Variants in LRRC4C observed in about 807,000 individuals in gnomAD.
LRRC4C encodes leucine rich repeat containing 4C, also known as leucine-rich repeat-containing protein 4C.
LRRC4C carries 5 observed loss-of-function variants against 33.6 expected under a neutral mutation model. The ratio of observed to expected loss-of-function variants is 0.15; its 90% CI spans 0.08 to 0.31. The LOEUF (loss-of-function observed/expected upper bound fraction) is 0.31, where lower values mean the gene tolerates loss of function less well. LRRC4C is among the 10% of genes least tolerant of loss of function. The pLI is 1.00. For synonymous variants in LRRC4C, 329 were observed against 302.0 expected (o/e 1.09, Z -0.93); for missense variants, 560 against 796.7 (o/e 0.70, Z 3.58).
At chr11:40,443,278 C>T (rs1203118926) in intron 3 of LRRC4C, among the ~76,000 whole-genome samples, 2 of 152,182 alleles carry the variant, frequency 1.3e-5, no homozygotes, top group African/African-American at 4.8e-5. Context: ...ACTGTGATGA[C>T]AAACAAGATA....
intron 1 of LRRC4C, among the ~76,000 whole-genome samples, chr11:40,994,812 A>G (rs1853844766): frequency 1.4e-5 from 1 of 71,314 alleles, no homozygotes; most frequent in Non-Finnish European, 3.3e-5. Flanking sequence ...CTCTCTATTT[A>G]TACTTTTTTT....
intron 2 of LRRC4C, among the ~76,000 whole-genome samples, chr11:40,897,947 C>T (rs1267510084): frequency 6.6e-6 from 1 of 152,224 alleles, no homozygotes; most frequent in East Asian, 1.9e-4. Flanking sequence ...TTTGCTTGTT[C>T]CCAAAACTGT....
intron 1 of LRRC4C, among the ~76,000 whole-genome samples, chr11:41,082,496 CTT>C (rs1037711567): frequency 2.1e-5 from 3 of 141,228 alleles, no homozygotes; most frequent in Non-Finnish European, 3.0e-5. Context: ...CAGTGACTGA[CTT>C]TGTGCCAAGC....
At chr11:41,276,379 A>G (rs1949486328) in intron 1 of LRRC4C, among the ~76,000 whole-genome samples, 1 of 152,162 alleles carries the variant, frequency 6.6e-6, no homozygotes, top group South Asian at 2.1e-4. Context: ...AGTTGCTAGC[A>G]TAAGCCCTTG....
intron 2 of LRRC4C, among the ~76,000 whole-genome samples, chr11:40,722,271 G>A (rs1288410386): frequency 6.6e-6 from 1 of 152,072 alleles, no homozygotes; most frequent in Non-Finnish European, 1.5e-5. Context: ...TGGAATGGGA[G>A]TCATCTCTCG....
chr11:40,234,365 G>A (rs1229308987), intron 5 of LRRC4C, among the ~76,000 whole-genome samples: 3 of 152,040 alleles, frequency 2.0e-5, no homozygotes, highest in Non-Finnish European at 4.4e-5. Flanking sequence ...AAGTAGCAGA[G>A]TCAAAACCCC....
chr11:40,377,469 C>T lies in LRRC4C; in HGVS notation c.-269-57748G>A, dbSNP rs183880991. Among the ~76,000 whole-genome samples, 64 of 152,176 alleles carry T rather than the reference C, an allele frequency of 4.2e-4. 2 individuals carry two copies. The highest frequency in any genetic ancestry group is 1.2e-3 in the African/African-American group (49 of 41,528). On this transcript the variant is annotated intron_variant, in intron 3 of 6. Coordinates refer to ENST00000528697, the MANE Select transcript of LRRC4C (RefSeq NM_001258419.2). The stretch of plus-strand genomic sequence containing the variant: ...TTCAATGTTGGTGTACATTTCTTTA[C>T]GTGTCACATACGTAATGTTTCTCTT...
At chr11:41,031,743 G>A (rs979533958) in intron 1 of LRRC4C, among the ~76,000 whole-genome samples, 3 of 152,000 alleles carry the variant, frequency 2.0e-5, no homozygotes, top group Non-Finnish European at 4.4e-5. Flanking sequence ...ATGCCAGTTG[G>A]CAACAGATAT....
chr11:40,233,151 A>G (rs190408230), intron 5 of LRRC4C, among the ~76,000 whole-genome samples: 134 of 152,282 alleles, frequency 8.8e-4, no homozygotes, highest in Non-Finnish European at 1.3e-3. Flanking sequence ...ATCGACTTGT[A>G]ATGCTCATTC....
rs139972105 is a variant in LRRC4C at position 40,502,438 on chromosome 11, C to T, written c.-270+145704G>A. 4.2e-4 allele frequency among the ~76,000 whole-genome samples: 64 copies of T among 152,212 alleles called. No individual in the cohort carries two copies. The East Asian group carries it at 0.011, about 26-fold the overall frequency. On this transcript the variant is annotated intron_variant, in intron 3 of 6. Coordinates refer to ENST00000528697, the MANE Select transcript of LRRC4C (RefSeq NM_001258419.2). ...AGAAAGGTTTAAAAGAGTCACAGTT[C>T]CATGTGACTTGGGAAGCCTCACAAT... is the stretch of plus-strand genomic sequence containing the variant.
chr11:41,176,391 A>G lies in LRRC4C; in HGVS notation c.-495-242668T>C, dbSNP rs1055663268. Among the ~76,000 whole-genome samples, 4 of 152,170 alleles carry G rather than the reference A, an allele frequency of 2.6e-5. No individual in the cohort carries two copies. The East Asian group carries it at 7.7e-4, about 29-fold the overall frequency. On this transcript the variant is annotated intron_variant, in intron 1 of 6. Transcript: ENST00000528697. ...GTGATTAAACAGATTCCTTTCTCCT[A>G]TCTTTCACAATAATTCCCAGTCAAT...
At chr11:40,630,418 CTTCT>C (rs1317922190) in intron 3 of LRRC4C, among the ~76,000 whole-genome samples, 12 of 119,846 alleles carry the variant, frequency 1.0e-4, no homozygotes, top group Non-Finnish European at 1.4e-4. Flanking sequence ...TCCTCTTCTT[CTTCT>C]TTTTTTTTTT....
rs1261555697 is a variant in LRRC4C, at chr11:41,167,839, A to T, written c.-495-234116T>A. ...AATAGTAAAATTGAAATAAACACTA[A>T]TTATGTACTGAATGGGATGTGGAGA... On this transcript the variant is annotated intron_variant, in intron 1 of 6. Transcript: ENST00000528697. 2.0e-5 allele frequency among the ~76,000 whole-genome samples: 3 copies of T among 152,158 alleles called. No individual in the cohort carries two copies. In the East Asian group the frequency reaches 5.8e-4, roughly 29 times the overall value.
chr11:41,375,902 A>T (rs1013355118), intron 1 of LRRC4C, among the ~76,000 whole-genome samples: 23 of 152,044 alleles, frequency 1.5e-4, no homozygotes, highest in African/African-American at 5.6e-4. Context: ...ATATTAGGAA[A>T]TTTAGTATGG....
chr11:40,895,054 G>A (rs1041231721), intron 2 of LRRC4C, among the ~76,000 whole-genome samples: 9 of 151,566 alleles, frequency 5.9e-5, no homozygotes, highest in Non-Finnish European at 1.0e-4. Context: ...TTCTTTGTAC[G>A]GAATGTATTT....
chr11:40,155,402 T>A (rs180736638), intron 5 of LRRC4C, among the ~76,000 whole-genome samples: 1 of 151,910 alleles, frequency 6.6e-6, no homozygotes, highest in Admixed American at 6.6e-5. Flanking sequence ...ATACAAAAGA[T>A]AAATGAAACA....
At chr11:41,141,029 T>C (rs1943480916) in intron 1 of LRRC4C, among the ~76,000 whole-genome samples, 1 of 152,198 alleles carries the variant, frequency 6.6e-6, no homozygotes, top group African/African-American at 2.4e-5. Context: ...ATTATATCTA[T>C]GATATTTGCC....
intron 2 of LRRC4C, among the ~76,000 whole-genome samples, chr11:40,904,423 G>A (rs1233117805): frequency 6.6e-6 from 1 of 151,910 alleles, no homozygotes; most frequent in Admixed American, 6.6e-5. Context: ...CAAATTTCAA[G>A]TGTTATAAAA....
intron 1 of LRRC4C, among the ~76,000 whole-genome samples, chr11:41,117,283 T>C (rs1942182911): frequency 6.6e-6 from 1 of 152,158 alleles, no homozygotes; most frequent in Non-Finnish European, 1.5e-5. Context: ...AATTGCTCTG[T>C]TTGTAGCCAC....
Sources: gnomAD v4.1 joint callset for allele counts (sites outside exome capture counted in the v4.1 genomes callset) on GRCh38, gnomAD v4.1.1 for gene constraint, MANE v1.5 for transcripts, NCBI Gene and HGNC (gene_info 2026-07-23, HGNC 2026-07-21) for gene names.